Variants in NEDD4L observed in about 807,000 individuals in gnomAD.
NEDD4L encodes the protein NEDD4 like E3 ubiquitin protein ligase.
NEDD4L carries 54 observed loss-of-function variants against 148.9 expected under a neutral mutation model. That is an observed-to-expected ratio of 0.36 (90% confidence interval 0.29 to 0.45). NEDD4L has a LOEUF of 0.45. Among genes scored for constraint, NEDD4L ranks in the 20% least tolerant of loss-of-function variants. The probability of loss-of-function intolerance (pLI) is 1.00; values close to 1 mark genes in which losing one functional copy is unlikely to be tolerated. For missense variants in NEDD4L, 856 were observed against 1,233.8 expected, an observed-to-expected ratio of 0.69 and a Z score of 4.59; for synonymous variants, 433 against 440.7, an observed-to-expected ratio of 0.98 and a Z score of 0.22.
At chr18:58,177,820 A>G (rs2038357413) in intron 2 of NEDD4L, among the ~76,000 whole-genome samples, 1 of 152,250 alleles carries the variant, frequency 6.6e-6, no homozygotes, top group South Asian at 2.1e-4. Flanking sequence ...AAATTATTGA[A>G]TAATTCTATT....
intron 2 of NEDD4L, among the ~76,000 whole-genome samples, chr18:58,179,621 C>T (rs1235523577): frequency 6.6e-6 from 1 of 152,074 alleles, no homozygotes; most frequent in East Asian, 1.9e-4. Context: ...CTCGGATCAG[C>T]CACCAGCATT....
intron 19 of NEDD4L, among the ~76,000 whole-genome samples, chr18:58,358,587 C>G (rs2045041050): frequency 6.6e-6 from 1 of 152,104 alleles, no homozygotes; most frequent in Admixed American, 6.5e-5. Flanking sequence ...GAAAATTGCT[C>G]AGCATCATAA....
intron 1 of NEDD4L, chr18:58,149,623 G>A: frequency 9.8e-7 from 1 of 1,024,906 alleles, no homozygotes; most frequent in Non-Finnish European, 1.5e-6. Flanking sequence ...GCATTCTGAA[G>A]CTCTCCACAT....
At chr18:58,203,865 A>G (rs975602658) in intron 2 of NEDD4L, among the ~76,000 whole-genome samples, 2 of 152,226 alleles carry the variant, frequency 1.3e-5, no homozygotes, top group African/African-American at 4.8e-5. Context: ...TTATAAGGGC[A>G]TAATTAGAGA....
intron 2 of NEDD4L, among the ~76,000 whole-genome samples, chr18:58,216,823 A>G (rs147817786): frequency 1.3e-5 from 2 of 152,286 alleles, no homozygotes; most frequent in Non-Finnish European, 2.9e-5. Context: ...TTTACAGCCT[A>G]AGGAACTGGC....
intron 30 of NEDD4L, among the ~76,000 whole-genome samples, chr18:58,394,822 C>T (rs888958558): frequency 6.6e-5 from 10 of 152,202 alleles, no homozygotes; most frequent in Non-Finnish European, 1.3e-4. Flanking sequence ...CAAGTGCTGC[C>T]AAAGCGAGCA....
At chr18:58,108,447 G>A (rs1418154985) in intron 1 of NEDD4L, among the ~76,000 whole-genome samples, 1 of 152,126 alleles carries the variant, frequency 6.6e-6, no homozygotes, top group African/African-American at 2.4e-5. Flanking sequence ...TTTGAGACAA[G>A]TTTCACTGTG....
chr18:58,210,197 A>G (rs1382308461), intron 2 of NEDD4L, among the ~76,000 whole-genome samples: 3 of 152,148 alleles, frequency 2.0e-5, no homozygotes, highest in Non-Finnish European at 4.4e-5. Flanking sequence ...AGAAAGAAAT[A>G]GATAATAGGA....
At chr18:58,222,375 G>T (rs989939267) in intron 2 of NEDD4L, among the ~76,000 whole-genome samples, 1 of 151,954 alleles carries the variant, frequency 6.6e-6, no homozygotes, top group South Asian at 2.1e-4. Context: ...TCTCTTCCTC[G>T]GTATGAGTAA....
At chr18:58,215,471 A>G (rs2147819912) in intron 2 of NEDD4L, among the ~76,000 whole-genome samples, 1 of 152,188 alleles carries the variant, frequency 6.6e-6, no homozygotes, top group South Asian at 2.1e-4. Flanking sequence ...TTAATTTTTC[A>G]TTGATAAGAA....
chr18:58,322,500 G>T lies in NEDD4L; in HGVS notation c.410+14G>T, dbSNP rs745965638. On this transcript the variant is annotated intron_variant, in intron 7 of 30. Coordinates refer to ENST00000400345, the MANE Select transcript of NEDD4L (RefSeq NM_001144967.3). Reference sequence around the variant, plus strand: ...CAGACCAAGAAGGTGAGGCTTGTGGGTATGGGTGGGTGGGGATGCCTGCCC... The same window carrying T: ...CAGACCAAGAAGGTGAGGCTTGTGGTTATGGGTGGGTGGGGATGCCTGCCC... 15 of 533,372 alleles carry T rather than the reference G, an allele frequency of 2.8e-5. No individual in the cohort carries two copies. Among genetic ancestry groups the T allele is most frequent in the Admixed American group, 1.6e-4 (8 of 50,524 alleles). 33.0% of individuals were successfully genotyped at this position (533,372 alleles called of 1,614,324 possible). A position where few individuals can be genotyped will look rare whatever the true frequency, so the allele number is the denominator to read the frequency against.
At chr18:58,083,566 T>C (rs1480167666) in intron 1 of NEDD4L, among the ~76,000 whole-genome samples, 2 of 152,060 alleles carry the variant, frequency 1.3e-5, no homozygotes, top group Non-Finnish European at 2.9e-5. Context: ...CGGGTGCCTG[T>C]AGTTCCAGCT....
intron 1 of NEDD4L, among the ~76,000 whole-genome samples, chr18:58,087,391 G>C (rs2083811331): frequency 6.6e-6 from 1 of 152,194 alleles, no homozygotes; most frequent in Non-Finnish European, 1.5e-5. Flanking sequence ...CTCTTCAGGG[G>C]TTTTCGAACT....
intron 5 of NEDD4L, among the ~76,000 whole-genome samples, chr18:58,260,660 T>G (rs1373927031): frequency 6.6e-6 from 1 of 152,206 alleles, no homozygotes; most frequent in Non-Finnish European, 1.5e-5. Context: ...GCACCTATAA[T>G]GGGAATGTGT....
At chr18:58,374,522 C>T (rs2047293747) in intron 24 of NEDD4L, among the ~76,000 whole-genome samples, 1 of 151,718 alleles carries the variant, frequency 6.6e-6, no homozygotes, top group South Asian at 2.1e-4. Flanking sequence ...TCCTTACAGA[C>T]AGGCGGACAC....
At chr18:58,219,504 C>G (rs753147727) in intron 2 of NEDD4L, among the ~76,000 whole-genome samples, 2 of 152,140 alleles carry the variant, frequency 1.3e-5, no homozygotes, top group Non-Finnish European at 2.9e-5. Context: ...GCTCAACTAC[C>G]ACAAATTTGT....
chr18:58,160,033 A>C (rs734779), intron 1 of NEDD4L, among the ~76,000 whole-genome samples: 74,033 of 152,110 alleles, frequency 0.49, 18,278 homozygotes, highest in Admixed American at 0.56. Flanking sequence ...TGTGGAAAAT[A>C]AGGATAAAGG....
In NEDD4L at chr18:58,396,311, T is replaced by C; in HGVS notation, c.*42T>C. 7.3e-7 allele frequency: 1 copy of C among 1,372,294 alleles called. No homozygotes were observed. Among genetic ancestry groups the C allele is most frequent in the Non-Finnish European group, 1.0e-6 (1 of 970,056 alleles). The allele number at this position is 1,372,294 out of a possible 1,614,324, so 85.0% of individuals were successfully genotyped here. On this transcript the variant is annotated 3_prime_UTR_variant, in exon 31 of 31. Transcript: ENST00000400345. ...GGGTGGTTGTTCTTCAAGCAAGTTC[T>C]GCTTGCACTTTTGCATTTGCCTAAC...
At chr18:58,113,874 G>C (rs1055912616) in intron 1 of NEDD4L, among the ~76,000 whole-genome samples, 11 of 152,102 alleles carry the variant, frequency 7.2e-5, no homozygotes, top group African/African-American at 2.7e-4. Flanking sequence ...TATGAACTGA[G>C]ACTGGGACCT....
Sources: gnomAD v4.1 joint callset for allele counts (sites outside exome capture counted in the v4.1 genomes callset) on GRCh38, gnomAD v4.1.1 for gene constraint, MANE v1.5 for transcripts, NCBI Gene and HGNC (gene_info 2026-07-23, HGNC 2026-07-21) for gene names.